NOD2: variants seen among roughly 807,000 people sequenced by gnomAD.
NOD2 encodes the protein nucleotide-binding oligomerization domain-containing protein 2.
In NOD2, 86 loss-of-function variants were observed where a neutral mutation model predicts 90.9. That is an observed-to-expected ratio of 0.95 (90% CI 0.79 to 1.13). NOD2 has a LOEUF of 1.13. Among genes scored for constraint, NOD2 ranks in the 50% most tolerant of loss-of-function variants. The pLI, the probability that NOD2 is intolerant of heterozygous loss-of-function variation, is 0.00. For missense variants in NOD2, 1,238 were observed against 1,283.8 expected, an observed-to-expected ratio of 0.96 and a Z score of 0.55; for synonymous variants, 581 against 554.6, an observed-to-expected ratio of 1.05 and a Z score of -0.67.
chr16:50,704,118 G>A (rs1185722660), intron 2 of NOD2, among the ~76,000 whole-genome samples: 2 of 152,192 alleles, frequency 1.3e-5, no homozygotes, highest in South Asian at 4.1e-4. Context: ...ATAGATAAAG[G>A]TTAGGGTCAG....
chr16:50,717,097 CAG>C (rs1220616981), intron 6 of NOD2, 123 bp downstream of exon 6: 5 of 835,242 alleles, frequency 6.0e-6, no homozygotes, highest in Admixed American at 1.9e-5. Flanking sequence ...AATGCAGGGA[CAG>C]TGTCTCATTT....
intron 6 of NOD2, among the ~76,000 whole-genome samples, chr16:50,719,585 G>T (rs946992704): frequency 5.3e-5 from 8 of 152,222 alleles, no homozygotes; most frequent in African/African-American, 9.6e-5. Flanking sequence ...GGTCTGGATC[G>T]AGGGCGGCTG....
chr16:50,718,356 G>A (rs554862588), intron 6 of NOD2, among the ~76,000 whole-genome samples: 6 of 152,254 alleles, frequency 3.9e-5, no homozygotes, highest in African/African-American at 4.8e-5. Context: ...AAATGGGAGC[G>A]TATAGAGCGT....
chr16:50,729,739 C>A (rs1202554652), intron 10 of NOD2, 79 bp from the exon 11 acceptor site: 1 of 1,221,356 alleles, frequency 8.2e-7, no homozygotes, highest in African/African-American at 1.5e-5. Flanking sequence ...CTGGCTAACT[C>A]CTGCAGTCTC....
chr16:50,702,476 A>G (rs1963986671), intron 2 of NOD2, among the ~76,000 whole-genome samples: 2 of 152,192 alleles, frequency 1.3e-5, no homozygotes, highest in South Asian at 4.1e-4. Flanking sequence ...GCCTTCCCTT[A>G]GTGGCCTTAC....
chr16:50,705,210 TTCTTTTTTGTAGTATCTTAC>T (rs1964130794), intron 2 of NOD2, among the ~76,000 whole-genome samples: 1 of 152,212 alleles, frequency 6.6e-6, no homozygotes, highest in Non-Finnish European at 1.5e-5. Context: ...GTTTGACTGA[TTCTTTTTTGTAGTATCTTAC>T]TCTTGTTTTA....
intron 2 of NOD2, among the ~76,000 whole-genome samples, chr16:50,704,313 T>A (rs181311321): frequency 6.6e-6 from 1 of 152,308 alleles, no homozygotes; most frequent in African/African-American, 2.4e-5. Context: ...TTCCCTGGTT[T>A]ACTACATTTT....
chr16:50,716,599 C>T lies in NOD2; in HGVS notation c.2394C>T (p.Asn798=). The stretch of plus-strand genomic sequence containing the variant: ...TTTGTCTCTTTAGTTTGCGCGATAA[C>T]AATATCTCAGACCGAGGCATCTGCA... ...GVCKALYLRD[N]NISDRGICKL... The change falls in exon 5 of 12, where the codon AAC becomes AAT. Residue 798 remains asparagine (N), a synonymous_variant. Transcript: ENST00000647318. 1 of 1,614,066 alleles carries T rather than the reference C, an allele frequency of 6.2e-7. No homozygotes were observed. Among genetic ancestry groups the T allele is most frequent in the Non-Finnish European group, 8.5e-7 (1 of 1,179,940 alleles).
intron 5 of NOD2, 109 bp from the exon 6 acceptor site, chr16:50,716,782 T>G: frequency 6.9e-7 from 1 of 1,457,952 alleles, no homozygotes; most frequent in Non-Finnish European, 9.6e-7. Flanking sequence ...GTTTGCATGA[T>G]GGGGGGTGCA....
chr16:50,719,432 C>T (rs1007100071), intron 6 of NOD2, among the ~76,000 whole-genome samples: 2 of 152,146 alleles, frequency 1.3e-5, no homozygotes, highest in African/African-American at 4.8e-5. Context: ...AGCCTTGGCC[C>T]TCCCTCTCTC....
chr16:50,702,154 A>T lies in NOD2; in HGVS notation c.459+2200A>T, dbSNP rs560128242. Among the ~76,000 whole-genome samples the T allele has an allele frequency of 5.3e-5, 8 of 152,244 alleles. No homozygotes were observed. The South Asian group carries it at 1.7e-3, about 32-fold the overall frequency. On this transcript the variant is annotated intron_variant, in intron 2 of 11. Coordinates refer to ENST00000647318, the MANE Select transcript of NOD2 (RefSeq NM_001370466.1). ...CAGGGTCTTGCTATGTTGAGGTCTC[A>T]AACTCCTGGGCTCAAGTAATCCTCC...
In NOD2 at chr16:50,731,913, A is replaced by T. The variant is rs1454522217; in HGVS notation, c.*94A>T. ...GTGACATGTGTTGGCAGCCTCTTCA[A>T]AATGAGCCCTGTCCTGCCTAAGGCT... On this transcript the variant is annotated 3_prime_UTR_variant, in exon 12 of 12. Coordinates refer to ENST00000647318, the MANE Select transcript of NOD2 (RefSeq NM_001370466.1). The T allele has an allele frequency of 1.1e-6, 1 of 902,470 alleles. No homozygotes were observed. Among genetic ancestry groups the T allele is most frequent in the Non-Finnish European group, 1.8e-6 (1 of 540,796 alleles). 55.9% of individuals were successfully genotyped at this position (902,470 alleles called of 1,614,324 possible).
chr16:50,697,835 T>C, intron 1 of NOD2: 1 of 203,122 alleles, frequency 4.9e-6, no homozygotes, highest in Non-Finnish European at 1.0e-5. Context: ...TTTCTCCTTT[T>C]GCTTACCTTG....
intron 4 of NOD2, among the ~76,000 whole-genome samples, chr16:50,714,286 G>A (rs755986988): frequency 5.3e-5 from 8 of 152,164 alleles, no homozygotes; most frequent in Non-Finnish European, 1.2e-4. Flanking sequence ...AGGGTGGCCT[G>A]GTTCTAGCTC....
At chr16:50,704,026 A>G (rs1255753841) in intron 2 of NOD2, among the ~76,000 whole-genome samples, 2 of 152,222 alleles carry the variant, frequency 1.3e-5, no homozygotes, top group Non-Finnish European at 2.9e-5. Flanking sequence ...ACTCCTGTGG[A>G]GTGAAATGAA....
chr16:50,729,606 C>T (rs1308586723), intron 10 of NOD2, among the ~76,000 whole-genome samples: 2 of 152,180 alleles, frequency 1.3e-5, no homozygotes, highest in African/African-American at 2.4e-5. Flanking sequence ...TTGATAAACT[C>T]ATCTAGTGAA....
chr16:50,694,894 TA>T (rs1205133529), intron 1 of NOD2, among the ~76,000 whole-genome samples: 1 of 151,912 alleles, frequency 6.6e-6, no homozygotes, highest in Non-Finnish European at 1.5e-5. Context: ...GTACTACGAG[TA>T]AAACAAAGCT....
At chr16:50,698,729 G>C (rs138367392) in intron 1 of NOD2, among the ~76,000 whole-genome samples, 13 of 152,260 alleles carry the variant, frequency 8.5e-5, no homozygotes, top group Non-Finnish European at 1.9e-4. Context: ...CACTACTTCA[G>C]AGTGGCTGGG....
In NOD2 at chr16:50,732,150, C is replaced by T. The variant is rs746980077; in HGVS notation, c.*331C>T. 4.8e-5 allele frequency: 20 copies of T among 414,612 alleles called. No homozygotes were observed. Among genetic ancestry groups the T allele is most frequent in the Non-Finnish European group, 9.1e-5 (20 of 219,180 alleles). 25.7% of individuals were successfully genotyped at this position (414,612 alleles called of 1,614,324 possible). ...GGCTTCCGTGTGGGTCAGTGGGGCCCATGGATGTGCTTGTTAACTGAGTGC... is the reference window on the plus strand; with the variant it reads ...GGCTTCCGTGTGGGTCAGTGGGGCCTATGGATGTGCTTGTTAACTGAGTGC... On this transcript the variant is annotated 3_prime_UTR_variant, in exon 12 of 12. Coordinates refer to ENST00000647318, the MANE Select transcript of NOD2 (RefSeq NM_001370466.1).
Sources: gnomAD v4.1 joint callset for allele counts (sites outside exome capture counted in the v4.1 genomes callset) on GRCh38, gnomAD v4.1.1 for gene constraint, MANE v1.5 for transcripts, NCBI Gene and HGNC (gene_info 2026-07-23, HGNC 2026-07-21) for gene names.